Variants in VRK2 observed in about 807,000 individuals in gnomAD.
VRK2 encodes serine/threonine-protein kinase VRK2.
In VRK2, 60 loss-of-function variants were observed where a neutral mutation model predicts 57.6. The ratio of observed to expected loss-of-function variants is 1.04; its 90% confidence interval spans 0.85 to 1.29. VRK2 has a LOEUF of 1.29. VRK2 is among the 50% of genes most tolerant of loss of function. The pLI is 0.00. For synonymous variants in VRK2, 231 were observed against 199.2 expected (o/e 1.16, Z -1.35); for missense variants, 705 against 588.1 (o/e 1.20, Z -2.06).
chr2:58,099,689 A>G (rs1050570999), intron 7 of VRK2, among the ~76,000 whole-genome samples: 1 of 152,046 alleles, frequency 6.6e-6, no homozygotes, highest in African/African-American at 2.4e-5. Context: ...CAACATGTGA[A>G]TGTTAGTATA....
rs561839509 is a variant in VRK2, at chr2:57,926,487, A to ATT, written c.-439+18649_-439+18650dup. ...TGTGTGTATAGTGTATATATATACA[A>ATT]TTATATATATATATAGTGTGTGTAT... On this transcript the variant is annotated intron_variant, in intron 1 of 15. Coordinates refer to the VRK2 transcript ENST00000417641. Among the ~76,000 whole-genome samples, 876 of 147,858 alleles carry ATT rather than the reference A, an allele frequency of 5.9e-3. 9 individuals are homozygous for ATT. Among genetic ancestry groups the ATT allele is most frequent in the African/African-American group, 0.02 (826 of 40,368 alleles).
At chr2:57,950,438 A>AGTCT (rs1447962411) in intron 1 of VRK2, among the ~76,000 whole-genome samples, 5 of 152,220 alleles carry the variant, frequency 3.3e-5, no homozygotes, top group Non-Finnish European at 5.9e-5. Flanking sequence ...ATGGAACAAC[A>AGTCT]GTCTGGATGT....
intron 1 of VRK2, among the ~76,000 whole-genome samples, chr2:58,000,303 G>A (rs928932471): frequency 6.6e-6 from 1 of 152,036 alleles, no homozygotes; most frequent in Non-Finnish European, 1.5e-5. Flanking sequence ...TAAGGTAACT[G>A]GGTTTTTTAA....
chr2:58,132,003 G>T, intron 9 of VRK2, 75 bp downstream of exon 9: 12 of 1,546,236 alleles, frequency 7.8e-6, no homozygotes, highest in Non-Finnish European at 1.0e-5. Flanking sequence ...TAACAACACA[G>T]AGAAGATTGG....
At chr2:57,982,179 T>C (rs774550109) in intron 1 of VRK2, among the ~76,000 whole-genome samples, 2 of 152,212 alleles carry the variant, frequency 1.3e-5, no homozygotes, top group Non-Finnish European at 2.9e-5. Flanking sequence ...TCCTGGGCTA[T>C]GTGCTGTAAG....
At chr2:58,062,572 A>G (rs1677510345) in intron 2 of VRK2, among the ~76,000 whole-genome samples, 1 of 152,094 alleles carries the variant, frequency 6.6e-6, no homozygotes, top group South Asian at 2.1e-4. Flanking sequence ...AAAGTGAAGC[A>G]GCCTTACTGC....
At position 58,159,833 on chromosome 2, in the gene VRK2, G is replaced by T. The variant is rs1354500464; in HGVS notation, c.*140G>T. On this transcript the variant is annotated 3_prime_UTR_variant, in exon 13 of 13. Transcript: ENST00000340157. ...AAGAGAACATATTTTAACAAAGTTT[G>T]TGGACACTCTAAAAAATAAAATTGC... The T allele has an allele frequency of 6.2e-7, 1 of 1,610,022 alleles. No individual in the cohort carries two copies. Among genetic ancestry groups the T allele is most frequent in the Non-Finnish European group, 8.5e-7 (1 of 1,178,618 alleles).
chr2:58,044,744 T>C (rs1220878820), upstream of VRK2, among the ~76,000 whole-genome samples: 1 of 152,118 alleles, frequency 6.6e-6, no homozygotes, highest in Non-Finnish European at 1.5e-5. Context: ...TGGCAGTAAA[T>C]GCGAAAAGTT....
chr2:58,134,181 C>T (rs958343558), intron 9 of VRK2, among the ~76,000 whole-genome samples: 23 of 152,094 alleles, frequency 1.5e-4, no homozygotes, highest in Non-Finnish European at 2.8e-4. Context: ...TTCCCCAAAG[C>T]GGGTTATAGA....
In VRK2 at chr2:58,135,189, A is replaced by T; in HGVS notation, c.846A>T (p.Gly282=). 6.2e-7 allele frequency: 1 copy of T among 1,614,154 alleles called. No homozygotes were observed. Among genetic ancestry groups the T allele is most frequent in the South Asian group, 1.1e-5 (1 of 91,082 alleles). Residue 282 remains glycine (G), a synonymous_variant, in exon 10 of 13, where the codon GGA becomes GGT. Transcript: ENST00000340157. ...CAGTGCTTAAATGGGCTCCTTCTGG[A>T]AGCAGTTGCTGTAAGTCAAATAATA... is the stretch of plus-strand genomic sequence containing the variant. The part of the protein sequence containing the change: ...PQSVLKWAPS[G]SSCCEIAQFL...
Position 58,084,957 on chromosome 2 carries a change from A to C in VRK2, c.256+7A>C, listed in dbSNP as rs756239764. ...GTTGCAAAAAAAGACTGTAGTAAGT[A>C]AAATTAGCAAAGCAAGCTACTTCCA... On this transcript the variant is annotated splice_region_variant and intron_variant, in intron 4 of 12. Coordinates refer to ENST00000340157, the MANE Select transcript of VRK2 (RefSeq NM_006296.7). The C allele has an allele frequency of 1.9e-6, 3 of 1,572,396 alleles. No individual in the cohort carries two copies. Among genetic ancestry groups the C allele is most frequent in the Admixed American group, 1.8e-5 (1 of 54,656 alleles).
At chr2:58,094,366 G>T (rs1278764516) in intron 7 of VRK2, among the ~76,000 whole-genome samples, 1 of 152,148 alleles carries the variant, frequency 6.6e-6, no homozygotes, top group Non-Finnish European at 1.5e-5. Context: ...AGTTCTCCTT[G>T]AAGAGGTCCT....
chr2:58,036,961 CAG>C (rs1674296392), intron 3 of VRK2, among the ~76,000 whole-genome samples: 1 of 151,710 alleles, frequency 6.6e-6, no homozygotes, highest in South Asian at 2.1e-4. Context: ...TTTTTTTTGA[CAG>C]AGTCTCACTC....
intron 2 of VRK2, among the ~76,000 whole-genome samples, chr2:58,056,035 C>T (rs114323949): frequency 0.084 from 12,813 of 151,984 alleles, 585 homozygotes; most frequent in East Asian, 0.1. Context: ...AAATTGAGAA[C>T]TCTAAACATC....
At chr2:58,131,363 G>A in intron 8 of VRK2, among the ~76,000 whole-genome samples, 1 of 151,268 alleles carries the variant, frequency 6.6e-6, no homozygotes, top group East Asian at 1.9e-4. Context: ...GGCCATCAAT[G>A]TTTAGTCTGC....
rs138973805 is a variant in VRK2 at position 58,037,691 on chromosome 2, C to T, written c.-6+4138C>T. 4.2e-3 allele frequency among the ~76,000 whole-genome samples: 640 copies of T among 152,202 alleles called. 9 individuals carry two copies. Among genetic ancestry groups the T allele is most frequent in the African/African-American group, 0.014 (599 of 41,552 alleles). ...GATATTTACTATGCTAGGTTCTTTGCCATCTTTTCATTTAAACCTTACAAT... is the reference window on the plus strand; with the variant it reads ...GATATTTACTATGCTAGGTTCTTTGTCATCTTTTCATTTAAACCTTACAAT... On this transcript the variant is annotated intron_variant, in intron 3 of 15. Transcript: ENST00000417641.
intron 7 of VRK2, among the ~76,000 whole-genome samples, chr2:58,117,365 C>G (rs1410146856): frequency 1.3e-5 from 2 of 151,958 alleles, no homozygotes; most frequent in Non-Finnish European, 2.9e-5. Context: ...AAACTGTAAG[C>G]CGGACCAGGT....
intron 2 of VRK2, among the ~76,000 whole-genome samples, chr2:58,070,527 C>G (rs1244691239): frequency 6.6e-6 from 1 of 152,090 alleles, no homozygotes; most frequent in Admixed American, 6.6e-5. Flanking sequence ...TTTACTGTTT[C>G]TGTAGTTTTG....
intron 2 of VRK2, among the ~76,000 whole-genome samples, chr2:58,074,824 G>T (rs923817509): frequency 6.6e-6 from 1 of 151,964 alleles, no homozygotes; most frequent in Non-Finnish European, 1.5e-5. Context: ...TTGATGTGCT[G>T]GTAAGGTGTG....
Sources: gnomAD v4.1 joint callset for allele counts (sites outside exome capture counted in the v4.1 genomes callset) on GRCh38, gnomAD v4.1.1 for gene constraint, MANE v1.5 for transcripts, NCBI Gene and HGNC (gene_info 2026-07-23, HGNC 2026-07-21) for gene names.